AFG2A: variants seen among roughly 807,000 people sequenced by gnomAD.
AFG2A encodes the protein AAA ATPase AFG2A.
the AFG2A span, among the ~76,000 whole-genome samples, chr4:122,930,274 A>G: frequency 6.6e-6 from 1 of 152,220 alleles, no homozygotes; most frequent in Non-Finnish European, 1.5e-5. Flanking sequence ...ATCTAATAGG[A>G]TATCGACTTG....
chr4:123,300,811 C>A, the AFG2A span, among the ~76,000 whole-genome samples: 3 of 149,666 alleles, frequency 2.0e-5, no homozygotes, highest in Non-Finnish European at 4.4e-5. Flanking sequence ...CTCTTCATGT[C>A]GATAAAGATC....
chr4:122,996,192 C>T, the AFG2A span, among the ~76,000 whole-genome samples: 1 of 152,204 alleles, frequency 6.6e-6, no homozygotes, highest in South Asian at 2.1e-4. Flanking sequence ...GTCCTCCCAT[C>T]TGCCTGAAAA....
At chr4:123,289,846 CATCT>C in the AFG2A span, among the ~76,000 whole-genome samples, 1 of 151,880 alleles carries the variant, frequency 6.6e-6, no homozygotes, top group African/African-American at 2.4e-5. Context: ...GAAAAATGTC[CATCT>C]GTGTCCTTTC....
the AFG2A span, among the ~76,000 whole-genome samples, chr4:123,147,932 A>G: frequency 1.3e-5 from 2 of 152,188 alleles, no homozygotes; most frequent in Admixed American, 1.3e-4. Context: ...AAATTTCAAA[A>G]TATGTGCATA....
chr4:123,004,219 T>C, the AFG2A span, among the ~76,000 whole-genome samples: 1 of 152,160 alleles, frequency 6.6e-6, no homozygotes, highest in Non-Finnish European at 1.5e-5. Context: ...GTTACCCCTT[T>C]CCTTGACCAG....
the AFG2A span, among the ~76,000 whole-genome samples, chr4:122,964,831 C>G: frequency 6.6e-6 from 1 of 152,042 alleles, no homozygotes; most frequent in African/African-American, 2.4e-5. Context: ...TAAGGATATT[C>G]TATTTGATTT....
the AFG2A span, among the ~76,000 whole-genome samples, chr4:123,038,136 C>G: frequency 6.6e-6 from 1 of 152,038 alleles, no homozygotes; most frequent in Non-Finnish European, 1.5e-5. Flanking sequence ...CTCTAACTGT[C>G]AAGTGTAATA....
chr4:122,999,669 T>C, the AFG2A span, among the ~76,000 whole-genome samples: 2 of 152,194 alleles, frequency 1.3e-5, no homozygotes, highest in African/African-American at 4.8e-5. Context: ...TTGATCTATA[T>C]CTCTGTTTTG....
At chr4:123,115,276 C>A in the AFG2A span, among the ~76,000 whole-genome samples, 1 of 152,090 alleles carries the variant, frequency 6.6e-6, no homozygotes, top group African/African-American at 2.4e-5. Flanking sequence ...GGGCCCCAAA[C>A]CCAGTTGTCG....
the AFG2A span, among the ~76,000 whole-genome samples, chr4:123,076,968 G>C: frequency 6.6e-6 from 1 of 150,678 alleles, no homozygotes; most frequent in Non-Finnish European, 1.5e-5. Flanking sequence ...CTGTGTGTGT[G>C]TGTGTGTGGT....
At chr4:123,262,507 G>A in the AFG2A span, among the ~76,000 whole-genome samples, 3 of 152,266 alleles carry the variant, frequency 2.0e-5, no homozygotes, top group African/African-American at 4.8e-5. Flanking sequence ...TCAACACAAC[G>A]TTCTTTGAAA....
At chr4:122,945,651 C>G in the AFG2A span, among the ~76,000 whole-genome samples, 3 of 152,220 alleles carry the variant, frequency 2.0e-5, no homozygotes, top group Non-Finnish European at 4.4e-5. Flanking sequence ...GCTGCACCCA[C>G]TGTCCTGCAC....
At chr4:123,251,522 T>C in the AFG2A span, among the ~76,000 whole-genome samples, 1 of 152,198 alleles carries the variant, frequency 6.6e-6, no homozygotes, top group African/African-American at 2.4e-5. Flanking sequence ...GGGCCTCATT[T>C]TCTTTGTCTT....
the AFG2A span, among the ~76,000 whole-genome samples, chr4:123,219,275 A>G: frequency 6.6e-6 from 1 of 152,360 alleles, no homozygotes; most frequent in East Asian, 1.9e-4. Flanking sequence ...ACAGGTAGAA[A>G]GAGAAAGCCA....
the AFG2A span, among the ~76,000 whole-genome samples, chr4:123,190,896 A>C: frequency 6.6e-6 from 1 of 152,230 alleles, no homozygotes; most frequent in Non-Finnish European, 1.5e-5. Context: ...GCAGTATTAC[A>C]GAGGGGCTCC....
chr4:123,225,997 AT>A, the AFG2A span, among the ~76,000 whole-genome samples: 2 of 152,062 alleles, frequency 1.3e-5, no homozygotes, highest in African/African-American at 4.8e-5. Context: ...TTCACTCATG[AT>A]TTGGTTCTCT....
chr4:123,084,633 GAGAGAC>G, the AFG2A span, among the ~76,000 whole-genome samples: 71 of 151,162 alleles, frequency 4.7e-4, no homozygotes, highest in African/African-American at 1.4e-3. Context: ...TATAAAGAGA[GAGAGAC>G]AGAGACAGAG....
the AFG2A span, among the ~76,000 whole-genome samples, chr4:122,946,344 A>T: frequency 0.021 from 3,260 of 152,300 alleles, 59 homozygotes; most frequent in Non-Finnish European, 0.035. Context: ...CCTGTTGTGG[A>T]TTAGTATTCT....
At chr4:123,129,254 CCACATGGTAAAAAGTATCT>C in the AFG2A span, among the ~76,000 whole-genome samples, 6 of 152,134 alleles carry the variant, frequency 3.9e-5, no homozygotes, top group African/African-American at 9.7e-5. Flanking sequence ...ATCCCTTAGG[CCACATGGTAAAAAGTATCT>C]CACTGTCACA....
Sources: gnomAD v4.1 joint callset for allele counts (sites outside exome capture counted in the v4.1 genomes callset) on GRCh38, gnomAD v4.1.1 for gene constraint, MANE v1.5 for transcripts, NCBI Gene and HGNC (gene_info 2026-07-23, HGNC 2026-07-21) for gene names.